ABCA1: variants seen among roughly 807,000 people sequenced by gnomAD.
The protein encoded by ABCA1 is ATP binding cassette subfamily A member 1, also known as phospholipid-transporting ATPase ABCA1.
In ABCA1, 133 loss-of-function variants were observed where a neutral mutation model predicts 262.5. The observed-to-expected ratio is 0.51, with a 90% CI of 0.44 to 0.59. The LOEUF is 0.59. Among genes scored for constraint, ABCA1 ranks in the 20% least tolerant of loss-of-function variants. The probability of loss-of-function intolerance (pLI) is 0.00; values close to 1 mark genes in which losing one functional copy is unlikely to be tolerated. For missense variants in ABCA1, 2,452 were observed against 2,777.5 expected, an observed-to-expected ratio of 0.88 and a Z score of 2.63; for synonymous variants, 1,022 against 1,043.5, an observed-to-expected ratio of 0.98 and a Z score of 0.40.
intron 1 of ABCA1, among the ~76,000 whole-genome samples, chr9:104,925,846 A>G (rs1826279693): frequency 6.6e-6 from 1 of 152,160 alleles, no homozygotes; most frequent in Non-Finnish European, 1.5e-5. Flanking sequence ...TCTCAAGAGA[A>G]TGATACTCTC....
At chr9:104,798,871 G>A (rs921485139) in intron 36 of ABCA1, among the ~76,000 whole-genome samples, 1 of 152,180 alleles carries the variant, frequency 6.6e-6, no homozygotes, top group Non-Finnish European at 1.5e-5. Flanking sequence ...AAGGAAGTCA[G>A]AGTGGTTAAT....
At chr9:104,855,177 T>G in intron 7 of ABCA1, 2 of 984,898 alleles carry the variant, frequency 2.0e-6, no homozygotes, top group Non-Finnish European at 2.4e-6. Context: ...CTAACACTGA[T>G]CTACAGAAGA....
In ABCA1 at chr9:104,784,337, T is replaced by C. The variant is rs1179334159; in HGVS notation, c.6764A>G (p.Lys2255Arg). The C allele has an allele frequency of 3.7e-6, 6 of 1,614,148 alleles. No homozygotes were observed. The Admixed American group carries it at 5.0e-5, about 13-fold the overall frequency. The change falls in exon 50 of 50, where the codon AAA (lysine) becomes AGA (arginine). Residue 2255 changes from lysine (K) to arginine (R), a missense_variant. Around this residue, in one of 4 missense-constraint regions of ABCA1, gnomAD observed 752 missense variants for 944.5 expected, o/e 0.80. Transcript: ENST00000374736. ...TCTTCATACATAGCTTTCTTTCACT[T>C]TCTCATCCTGTAGAAAAGATGTGAG... Reference protein sequence around the residue: ...AVLTSFLQDEKVKESYV With the variant: ...AVLTSFLQDERVKESYV
intron 1 of ABCA1, among the ~76,000 whole-genome samples, chr9:104,922,883 A>G (rs1842219309): frequency 6.6e-6 from 1 of 151,938 alleles, no homozygotes; most frequent in South Asian, 2.1e-4. Flanking sequence ...CGCCCAGCTA[A>G]TTTTTGTATT....
intron 5 of ABCA1, among the ~76,000 whole-genome samples, chr9:104,874,234 C>T (rs1229335985): frequency 6.6e-6 from 1 of 152,162 alleles, no homozygotes; most frequent in Non-Finnish European, 1.5e-5. Context: ...TAGTCAGAGC[C>T]ATATCAGAAA....
At chr9:104,855,575 A>T in intron 7 of ABCA1, 1 of 1,166,188 alleles carries the variant, frequency 8.6e-7, no homozygotes, top group Non-Finnish European at 1.2e-6. Flanking sequence ...TAAATTATCA[A>T]CTTCTATTTA....
At chr9:104,890,924 A>C (rs912717427) in intron 2 of ABCA1, among the ~76,000 whole-genome samples, 1 of 152,214 alleles carries the variant, frequency 6.6e-6, no homozygotes, top group African/African-American at 2.4e-5. Context: ...ATCTCTGTTA[A>C]CATCTTTTGT....
Position 104,903,981 on chromosome 9 carries a change from G to A in ABCA1, c.-92-210C>T, listed in dbSNP as rs2118435498. Among the ~76,000 whole-genome samples, 2 of 152,340 alleles carry A rather than the reference G, an allele frequency of 1.3e-5. 1 individual carries two copies. The highest frequency in any genetic ancestry group is 6.8e-3 in the Middle Eastern group (2 of 294). On this transcript the variant is annotated intron_variant, in intron 1 of 49. Transcript: ENST00000374736. ...CGGGAGGTGTTCCGACAGCAGGCTA[G>A]GAGCTACGTGTTATGGTCCTAATCA...
chr9:104,849,549 T>A (rs4149289), intron 7 of ABCA1, among the ~76,000 whole-genome samples: 17,007 of 152,144 alleles, frequency 0.11, 967 homozygotes, highest in Middle Eastern at 0.14. Context: ...CAATCTGTAG[T>A]CAATATAAAC....
chr9:104,875,089 G>T (rs148509765), intron 5 of ABCA1, among the ~76,000 whole-genome samples: 2,525 of 152,072 alleles, frequency 0.017, 71 homozygotes, highest in African/African-American at 0.057. Flanking sequence ...TCAGATTGTT[G>T]CTGTGTCTGT....
intron 6 of ABCA1, chr9:104,861,355 C>A: frequency 1.9e-6 from 1 of 518,978 alleles, no homozygotes; most frequent in Admixed American, 3.3e-5. Flanking sequence ...CGGTTATTGC[C>A]TCAGAACTGT....
chr9:104,907,505 A>G (rs1410166165), intron 1 of ABCA1, among the ~76,000 whole-genome samples: 1 of 152,192 alleles, frequency 6.6e-6, no homozygotes, highest in Non-Finnish European at 1.5e-5. Flanking sequence ...ATTAATTAAG[A>G]GACGGATAGG....
intron 7 of ABCA1, chr9:104,856,085 C>A: frequency 6.3e-7 from 1 of 1,587,732 alleles, no homozygotes; most frequent in South Asian, 1.1e-5. Flanking sequence ...CATGTCACAT[C>A]CATCTACCAT....
intron 2 of ABCA1, among the ~76,000 whole-genome samples, chr9:104,894,373 T>C (rs1277511494): frequency 6.6e-6 from 1 of 151,946 alleles, no homozygotes; most frequent in Non-Finnish European, 1.5e-5. Context: ...AAACAAAAAA[T>C]CTTACAAGCC....
chr9:104,885,759 C>T (rs1839119168), intron 3 of ABCA1, among the ~76,000 whole-genome samples: 1 of 152,094 alleles, frequency 6.6e-6, no homozygotes, highest in South Asian at 2.1e-4. Context: ...GGGCTCTTAA[C>T]CCAAGGACCT....
intron 23 of ABCA1, among the ~76,000 whole-genome samples, chr9:104,818,295 A>G (rs1181901257): frequency 6.6e-6 from 1 of 152,186 alleles, no homozygotes; most frequent in African/African-American, 2.4e-5. Context: ...GCTGTTTTAT[A>G]GTTTAAAAGT....
intron 8 of ABCA1, among the ~76,000 whole-genome samples, chr9:104,842,567 C>A (rs190463715): frequency 6.6e-6 from 1 of 152,318 alleles, no homozygotes; most frequent in East Asian, 1.9e-4. Context: ...TTCTCCTACA[C>A]CTCAGCTCAC....
At position 104,806,094 on chromosome 9, in the gene ABCA1, G is replaced by T. The variant is rs565553698; in HGVS notation, c.4464+147C>A. ...CACTCCAGCCTGGGCGACAGAGCAA[G>T]ACTCCGCCTCAGAAAAAAAAACAAA... On this transcript the variant is annotated intron_variant, in intron 31 of 49. Transcript: ENST00000374736. The T allele has an allele frequency of 1.2e-5, 10 of 825,936 alleles. No homozygotes were observed. In the East Asian group the frequency reaches 2.7e-4, roughly 22 times the overall value. The allele number at this position is 825,936 out of a possible 1,614,324, so 51.2% of individuals were successfully genotyped here.
intron 20 of ABCA1, 75 bp downstream of exon 20, chr9:104,821,300 T>C: frequency 6.3e-7 from 1 of 1,574,962 alleles, no homozygotes; most frequent in Non-Finnish European, 8.7e-7. Context: ...AATGCTTAAG[T>C]CCCACTCCTC....
Sources: allele counts gnomAD v4.1 joint callset (sites outside exome capture counted in the v4.1 genomes callset), GRCh38; gene constraint gnomAD v4.1.1; regional missense constraint gnomAD v4.1.1; transcripts MANE v1.5; gene names NCBI Gene and HGNC (gene_info 2026-07-23, HGNC 2026-07-21).